Variants in RBFOX1 observed in about 807,000 individuals in gnomAD.
RBFOX1 encodes RNA binding protein fox-1 homolog 1.
In RBFOX1, 8 loss-of-function variants were observed where a neutral mutation model predicts 57.7. The ratio of observed to expected loss-of-function variants is 0.14; its 90% CI spans 0.08 to 0.25. RBFOX1 has a LOEUF of 0.25. Among genes scored for constraint, RBFOX1 ranks in the 10% least tolerant of loss-of-function variants. The pLI, the probability that RBFOX1 is intolerant of heterozygous loss-of-function variation, is 1.00. For missense variants in RBFOX1, 611 were observed against 548.5 expected, an observed-to-expected ratio of 1.11 and a Z score of -1.14; for synonymous variants, 326 against 222.4, an observed-to-expected ratio of 1.47 and a Z score of -4.15.
At chr16:5,929,616 CATAAT>C (rs1282624450) in intron 4 of RBFOX1, among the ~76,000 whole-genome samples, 3 of 152,098 alleles carry the variant, frequency 2.0e-5, no homozygotes, top group Non-Finnish European at 4.4e-5. Flanking sequence ...CAATATGGAT[CATAAT>C]ATAATAATAA....
At chr16:6,600,432 C>T (rs898917744) in intron 2 of RBFOX1, among the ~76,000 whole-genome samples, 1 of 152,182 alleles carries the variant, frequency 6.6e-6, no homozygotes. Context: ...TCTCATTCTG[C>T]ACACTCGTGT....
At chr16:7,282,513 A>G (rs796958313) in intron 4 of RBFOX1, among the ~76,000 whole-genome samples, 13 of 151,736 alleles carry the variant, frequency 8.6e-5, no homozygotes, top group African/African-American at 2.9e-4. Context: ...TTGCTCTTGC[A>G]CCCTCTCCCT....
chr16:6,497,846 C>T (rs974222817), intron 2 of RBFOX1, among the ~76,000 whole-genome samples: 2 of 152,026 alleles, frequency 1.3e-5, no homozygotes, highest in Non-Finnish European at 2.9e-5. Flanking sequence ...CGTGAGTCAC[C>T]ACTCCCGGCC....
chr16:7,382,853 C>T (rs911790887), intron 4 of RBFOX1, among the ~76,000 whole-genome samples: 13 of 152,190 alleles, frequency 8.5e-5, no homozygotes, highest in Middle Eastern at 3.2e-3. Context: ...TACTTATAAT[C>T]GTGTAATGCA....
At chr16:7,197,955 TC>T (rs923552288) in intron 4 of RBFOX1, among the ~76,000 whole-genome samples, 2 of 150,832 alleles carry the variant, frequency 1.3e-5, no homozygotes, top group African/African-American at 4.9e-5. Context: ...TTCTCTTTTT[TC>T]CCCCGTTCCA....
chr16:6,424,164 A>G (rs1427542586), intron 2 of RBFOX1, among the ~76,000 whole-genome samples: 1 of 152,140 alleles, frequency 6.6e-6, no homozygotes, highest in East Asian at 1.9e-4. Flanking sequence ...ACTTGAACCC[A>G]GGAGGCAGAG....
At chr16:5,764,738 C>T (rs1340584654) in intron 3 of RBFOX1, among the ~76,000 whole-genome samples, 1 of 152,172 alleles carries the variant, frequency 6.6e-6, no homozygotes, top group African/African-American at 2.4e-5. Context: ...TCAGTTCCTC[C>T]ATCCTTCAAG....
At chr16:6,531,632 T>C (rs973750331) in intron 2 of RBFOX1, among the ~76,000 whole-genome samples, 1 of 152,214 alleles carries the variant, frequency 6.6e-6, no homozygotes, top group Non-Finnish European at 1.5e-5. Context: ...AGTGTACGAA[T>C]GACCCATTCT....
intron 2 of RBFOX1, among the ~76,000 whole-genome samples, chr16:6,373,765 C>T (rs1173644275): frequency 6.6e-6 from 1 of 152,098 alleles, no homozygotes. Flanking sequence ...GATAAAGGAT[C>T]ATTATGTGGG....
chr16:7,233,291 C>T (rs1447913759), intron 4 of RBFOX1, among the ~76,000 whole-genome samples: 2 of 151,626 alleles, frequency 1.3e-5, no homozygotes, highest in African/African-American at 2.4e-5. Context: ...AGTGAAAAGT[C>T]ACCTCTTCAA....
At chr16:6,949,419 C>G (rs1331549267) in intron 3 of RBFOX1, among the ~76,000 whole-genome samples, 4 of 152,166 alleles carry the variant, frequency 2.6e-5, no homozygotes, top group African/African-American at 7.2e-5. Flanking sequence ...GGCACCATAA[C>G]AAAATACCAC....
At chr16:5,435,838 T>C (rs1035649426) in intron 1 of RBFOX1, among the ~76,000 whole-genome samples, 4 of 152,260 alleles carry the variant, frequency 2.6e-5, no homozygotes, top group African/African-American at 9.6e-5. Flanking sequence ...CTGTGCATAA[T>C]CTATTCAGTT....
At chr16:6,156,361 G>A (rs2096838490) in intron 1 of RBFOX1, among the ~76,000 whole-genome samples, 1 of 152,186 alleles carries the variant, frequency 6.6e-6, no homozygotes, top group Non-Finnish European at 1.5e-5. Flanking sequence ...CCCACCCAGT[G>A]AATCATGGTT....
intron 3 of RBFOX1, among the ~76,000 whole-genome samples, chr16:6,935,401 C>G (rs938090484): frequency 6.6e-6 from 1 of 152,130 alleles, no homozygotes; most frequent in Admixed American, 6.5e-5. Flanking sequence ...ATGTGACTTC[C>G]AACAGTAGAT....
chr16:6,837,505 C>T (rs535833699), intron 3 of RBFOX1, among the ~76,000 whole-genome samples: 22 of 152,266 alleles, frequency 1.4e-4, no homozygotes, highest in South Asian at 8.3e-4. Flanking sequence ...TAACCATGTC[C>T]TATGCAGTAC....
At chr16:6,279,065 A>G (rs892742783) in intron 1 of RBFOX1, among the ~76,000 whole-genome samples, 2 of 152,166 alleles carry the variant, frequency 1.3e-5, no homozygotes, top group Non-Finnish European at 2.9e-5. Context: ...AAATCATTGC[A>G]GGTGGGGGGA....
chr16:5,420,580 C>T (rs2067288131), intron 1 of RBFOX1, among the ~76,000 whole-genome samples: 1 of 152,076 alleles, frequency 6.6e-6, no homozygotes, highest in Non-Finnish European at 1.5e-5. Flanking sequence ...GCAATCATGG[C>T]CCACTGCAAT....
intron 1 of RBFOX1, among the ~76,000 whole-genome samples, chr16:5,393,408 G>A (rs569908502): frequency 6.6e-6 from 1 of 152,210 alleles, no homozygotes; most frequent in South Asian, 2.1e-4. Flanking sequence ...TCTCCCTTCT[G>A]CTTTTATTCC....
Position 7,309,955 on chromosome 16 carries a change from T to C in RBFOX1, c.28-208192T>C, listed in dbSNP as rs144614187. Among the ~76,000 whole-genome samples the C allele has an allele frequency of 6.0e-3, 917 of 152,274 alleles. 8 individuals carry two copies. Among genetic ancestry groups the C allele is most frequent in the Middle Eastern group, 0.034 (10 of 294 alleles). On this transcript the variant is annotated intron_variant, in intron 4 of 15. Transcript: ENST00000550418. ...ATTCAGTTAAGAAAAGCAAAGAAAG[T>C]TCCATTCATCAATAAAGTTTCCTAT...
Sources: gnomAD v4.1 joint callset for allele counts (sites outside exome capture counted in the v4.1 genomes callset) on GRCh38, gnomAD v4.1.1 for gene constraint, MANE v1.5 for transcripts, NCBI Gene and HGNC (gene_info 2026-07-23, HGNC 2026-07-21) for gene names.